GRIN2A: variants seen among roughly 807,000 people sequenced by gnomAD.
GRIN2A encodes glutamate receptor ionotropic, NMDA 2A.
GRIN2A carries 22 observed loss-of-function variants against 113.4 expected under a neutral mutation model. The observed-to-expected ratio is 0.19, with a 90% confidence interval of 0.14 to 0.28. The LOEUF is 0.28. GRIN2A is among the 10% of genes least tolerant of loss of function. The pLI is 1.00. For synonymous variants in GRIN2A, 827 were observed against 738.4 expected (o/e 1.12, Z -1.94); for missense variants, 1,502 against 1,887.0 (o/e 0.80, Z 3.78).
chr16:10,075,686 A>C (rs2047858519), intron 2 of GRIN2A, among the ~76,000 whole-genome samples: 1 of 152,242 alleles, frequency 6.6e-6, no homozygotes, highest in Admixed American at 6.5e-5. Flanking sequence ...TTGATGACAC[A>C]TATCAAAGTC....
intron 2 of GRIN2A, among the ~76,000 whole-genome samples, chr16:10,115,503 C>T (rs962667925): frequency 2.6e-5 from 4 of 152,228 alleles, no homozygotes; most frequent in Non-Finnish European, 4.4e-5. Flanking sequence ...TGTGCACACC[C>T]TGGGGCCTGC....
chr16:9,872,036 C>T (rs1200101945), intron 4 of GRIN2A, among the ~76,000 whole-genome samples: 1 of 152,086 alleles, frequency 6.6e-6, no homozygotes, highest in Admixed American at 6.6e-5. Flanking sequence ...ATAATAGTGC[C>T]AATATCATCA....
At chr16:10,154,247 C>T (rs1033421079) in intron 2 of GRIN2A, among the ~76,000 whole-genome samples, 3 of 152,192 alleles carry the variant, frequency 2.0e-5, no homozygotes, top group Non-Finnish European at 4.4e-5. Context: ...TCGTAGCCAA[C>T]CCTCGGTGGG....
At chr16:9,989,999 A>G (rs2046069321) in intron 2 of GRIN2A, among the ~76,000 whole-genome samples, 1 of 152,228 alleles carries the variant, frequency 6.6e-6, no homozygotes, top group Admixed American at 6.5e-5. Context: ...CTAAAAATAG[A>G]ATTACCATTC....
intron 5 of GRIN2A, among the ~76,000 whole-genome samples, chr16:9,849,501 A>G (rs2042840894): frequency 1.3e-5 from 2 of 151,944 alleles, no homozygotes; most frequent in South Asian, 4.1e-4. Context: ...TCTTCCCATA[A>G]CTCGGTTTTA....
intron 2 of GRIN2A, chr16:9,943,409 T>C (rs934426712): frequency 6.6e-6 from 1 of 152,212 alleles, no homozygotes; most frequent in African/African-American, 2.4e-5. Context: ...AACTGAGGAC[T>C]CATTCAATCA....
intron 2 of GRIN2A, among the ~76,000 whole-genome samples, chr16:10,059,237 C>T (rs1021228031): frequency 1.3e-5 from 2 of 152,006 alleles, no homozygotes; most frequent in Admixed American, 1.3e-4. Flanking sequence ...CAGTGGGTAG[C>T]CATGGAAGCA....
chr16:9,773,645 C>T (rs1171433889), intron 11 of GRIN2A, among the ~76,000 whole-genome samples: 1 of 152,224 alleles, frequency 6.6e-6, no homozygotes, highest in Admixed American at 6.5e-5. Context: ...ATGTAGCACT[C>T]AAAGCCCTCT....
At chr16:9,932,158 C>T (rs927763561) in intron 3 of GRIN2A, among the ~76,000 whole-genome samples, 2 of 152,142 alleles carry the variant, frequency 1.3e-5, no homozygotes, top group African/African-American at 2.4e-5. Flanking sequence ...TGGAATATTC[C>T]ACTGGCCCCC....
In GRIN2A at chr16:10,180,666, T is replaced by C. The variant is rs975407812; in HGVS notation, c.-18-237A>G. ...CTCCATCCCCCAGCCCCTTCTCGCA[T>C]CCAGCTTCCTCATCCCCTGTCTCCA... On this transcript the variant is annotated intron_variant, in intron 1 of 12. Coordinates refer to ENST00000330684, the MANE Select transcript of GRIN2A (RefSeq NM_001134407.3). The surrounding 1 kb of genome is among the most constrained non-coding windows in gnomAD (Gnocchi z 7.0). 3 of 638,722 alleles carry C rather than the reference T, an allele frequency of 4.7e-6. No individual in the cohort carries two copies. The highest frequency in any genetic ancestry group is 3.0e-5 in the Admixed American group (1 of 33,640). 39.6% of individuals were successfully genotyped at this position (638,722 alleles called of 1,614,324 possible).
Position 9,830,326 on chromosome 16 carries a change from G to A in GRIN2A, c.1778-674C>T, listed in dbSNP as rs117221763. Among the ~76,000 whole-genome samples the A allele has an allele frequency of 6.2e-3, 939 of 152,156 alleles. 8 individuals carry two copies. Among genetic ancestry groups the A allele is most frequent in the Middle Eastern group, 0.014 (4 of 294 alleles). On this transcript the variant is annotated intron_variant, in intron 8 of 12. Coordinates refer to ENST00000330684, the MANE Select transcript of GRIN2A (RefSeq NM_001134407.3). ...ACAGCACTTTTTCCAGTATATCCTC[G>A]CAATAGCTATGCAGCCCTTTTAAGA...
intron 2 of GRIN2A, among the ~76,000 whole-genome samples, chr16:9,986,479 A>G (rs2045980938): frequency 6.6e-6 from 1 of 152,100 alleles, no homozygotes; most frequent in Non-Finnish European, 1.5e-5. Context: ...AAAGAAATAA[A>G]ATGGGCCGAG....
At chr16:9,975,318 T>C (rs75971642) in intron 2 of GRIN2A, among the ~76,000 whole-genome samples, 2,860 of 152,284 alleles carry the variant, frequency 0.019, 47 homozygotes, top group Non-Finnish European at 0.027. Flanking sequence ...ACGGAGAGAT[T>C]ATCCTGGTTT....
intron 2 of GRIN2A, among the ~76,000 whole-genome samples, chr16:10,014,165 TG>T (rs1393965506): frequency 6.6e-6 from 1 of 152,214 alleles, no homozygotes; most frequent in Non-Finnish European, 1.5e-5. Flanking sequence ...TAGGGGAGTC[TG>T]ACTTGTCAAT....
intron 2 of GRIN2A, among the ~76,000 whole-genome samples, chr16:10,023,592 T>G (rs2046765071): frequency 6.6e-6 from 1 of 152,190 alleles, no homozygotes; most frequent in Non-Finnish European, 1.5e-5. Flanking sequence ...ATGAAAGAAA[T>G]AGATGTGAAG....
rs144825541 is a variant in GRIN2A at position 9,799,954 on chromosome 16, C to A, written c.2169-1490G>T. On this transcript the variant is annotated intron_variant, in intron 10 of 12. Coordinates refer to ENST00000330684, the MANE Select transcript of GRIN2A (RefSeq NM_001134407.3). ...TCAGGTAATCTCTCCAAGGGCACAA[C>A]TGTGCCTAAATATTATTATTATTAT... 1.3e-3 allele frequency among the ~76,000 whole-genome samples: 186 copies of A among 140,894 alleles called. 1 individual carries two copies. Among genetic ancestry groups the A allele is most frequent in the African/African-American group, 5.1e-3 (176 of 34,310 alleles). The allele number at this position is 140,894 out of a possible 152,430, so 92.4% of individuals were successfully genotyped here.
At chr16:9,828,193 A>G (rs1258557968) in intron 9 of GRIN2A, among the ~76,000 whole-genome samples, 6 of 152,218 alleles carry the variant, frequency 3.9e-5, no homozygotes, top group Admixed American at 1.3e-4. Context: ...ACTTAGTGAC[A>G]GGGATGGAGC....
intron 2 of GRIN2A, among the ~76,000 whole-genome samples, chr16:10,011,866 T>C: frequency 6.6e-6 from 1 of 152,128 alleles, no homozygotes; most frequent in Non-Finnish European, 1.5e-5. Flanking sequence ...TGTAAGTACT[T>C]AATCACATGC....
intron 2 of GRIN2A, among the ~76,000 whole-genome samples, chr16:9,939,541 T>G (rs2044807928): frequency 6.6e-6 from 1 of 152,188 alleles, no homozygotes; most frequent in African/African-American, 2.4e-5. Context: ...AATTTCCATT[T>G]AGAAAAGGCA....
Sources: allele counts gnomAD v4.1 joint callset (sites outside exome capture counted in the v4.1 genomes callset), GRCh38; gene constraint gnomAD v4.1.1; non-coding constraint Gnocchi (gnomAD v3.1); transcripts MANE v1.5; gene names NCBI Gene and HGNC (gene_info 2026-07-23, HGNC 2026-07-21).